ZBTB46: variants seen among roughly 807,000 people sequenced by gnomAD.
ZBTB46 encodes the protein zinc finger and BTB domain containing 46.
In ZBTB46, 8 loss-of-function variants were observed where a neutral mutation model predicts 44.1. That is an observed-to-expected ratio of 0.18 (90% confidence interval 0.11 to 0.33). ZBTB46 has a LOEUF of 0.33. Ranked by LOEUF, ZBTB46 falls within the 10% of genes least tolerant of loss-of-function variation. The probability of loss-of-function intolerance (pLI) is 1.00; values close to 1 mark genes in which losing one functional copy is unlikely to be tolerated. For synonymous variants in ZBTB46, 409 were observed against 382.3 expected (o/e 1.07, Z -0.81); for missense variants, 651 against 847.7 (o/e 0.77, Z 2.88).
In ZBTB46 at chr20:63,761,243, C is replaced by G. The variant is rs1242994085; in HGVS notation, c.1223-8382G>C. Among the ~76,000 whole-genome samples, 13 of 150,466 alleles carry G rather than the reference C, an allele frequency of 8.6e-5. No individual in the cohort carries two copies. In the East Asian group the frequency reaches 2.4e-3, roughly 28 times the overall value. On this transcript the variant is annotated intron_variant, in intron 3 of 4. Transcript: ENST00000245663. ...CGAACTCCTGACCTCAAGTGATTGA[C>G]GCACTTCAGCCTCCCAAAGTGCTGG...
intron 1 of ZBTB46, among the ~76,000 whole-genome samples, chr20:63,798,177 CG>C (rs975813814): frequency 2.9e-4 from 44 of 152,156 alleles, no homozygotes; most frequent in African/African-American, 1.1e-3. Flanking sequence ...TTTTGTATAA[CG>C]TGTAAGGAAG....
intron 3 of ZBTB46, among the ~76,000 whole-genome samples, chr20:63,753,486 G>A (rs1181485319): frequency 6.6e-6 from 1 of 152,206 alleles, no homozygotes; most frequent in Non-Finnish European, 1.5e-5. Flanking sequence ...CATGGTGCGT[G>A]CCCTGGGGCC....
At chr20:63,786,997 G>C (rs1415684454) in intron 2 of ZBTB46, among the ~76,000 whole-genome samples, 1 of 152,126 alleles carries the variant, frequency 6.6e-6, no homozygotes, top group Non-Finnish European at 1.5e-5. Context: ...GCTCAGTGCA[G>C]GACGCACAGC....
chr20:63,755,752 T>G (rs1355565336), intron 3 of ZBTB46, among the ~76,000 whole-genome samples: 2 of 152,192 alleles, frequency 1.3e-5, no homozygotes, highest in Non-Finnish European at 2.9e-5. Flanking sequence ...AGTCTATATA[T>G]CTTAGAAAAA....
intron 1 of ZBTB46, among the ~76,000 whole-genome samples, chr20:63,800,896 G>A (rs986518674): frequency 2.6e-5 from 4 of 152,220 alleles, no homozygotes; most frequent in African/African-American, 9.6e-5. Flanking sequence ...CCCATCAACT[G>A]CCCAAGGGCT....
chr20:63,781,857 G>A (rs1265660442), intron 2 of ZBTB46, among the ~76,000 whole-genome samples: 3 of 151,750 alleles, frequency 2.0e-5, no homozygotes, highest in Non-Finnish European at 4.4e-5. Flanking sequence ...AGGCTGAGGT[G>A]GGCAGATCAC....
chr20:63,817,962 TCTA>T (rs2092769553), intron 1 of ZBTB46, among the ~76,000 whole-genome samples: 2 of 152,084 alleles, frequency 1.3e-5, no homozygotes, highest in African/African-American at 4.8e-5. Flanking sequence ...AGAATAAGGC[TCTA>T]CCGTTTTCAG....
chr20:63,832,638 C>T (rs760704791), upstream of ZBTB46, among the ~76,000 whole-genome samples: 2 of 152,192 alleles, frequency 1.3e-5, no homozygotes, highest in Non-Finnish European at 2.9e-5. This position sits in a 1 kb window ranked among gnomAD's most constrained non-coding sequence, Gnocchi z 5.0. Flanking sequence ...CTGGAAATGG[C>T]TGTGCGGACA....
chr20:63,796,442 T>A (rs575679077), intron 1 of ZBTB46, among the ~76,000 whole-genome samples: 14 of 152,356 alleles, frequency 9.2e-5, no homozygotes, highest in Admixed American at 6.5e-4. Flanking sequence ...CAACTCACAC[T>A]GTTTTACCAC....
chr20:63,767,131 G>A lies in ZBTB46; in HGVS notation c.1222+8547C>T, dbSNP rs1012341121. The stretch of plus-strand genomic sequence containing the variant: ...CAGCACATTCCCGTAATTCCACGCC[G>A]ACACGTGGAGCGCCGCGCACATGCC... On this transcript the variant is annotated intron_variant, in intron 3 of 4. Coordinates refer to ENST00000245663, the MANE Select transcript of ZBTB46 (RefSeq NM_001369741.1). This position sits in a 1 kb window ranked among gnomAD's most constrained non-coding sequence, Gnocchi z 5.0. 2.0e-5 allele frequency among the ~76,000 whole-genome samples: 3 copies of A among 152,218 alleles called. No individual in the cohort carries two copies. The highest frequency in any genetic ancestry group is 2.9e-5 in the Non-Finnish European group (2 of 68,032).
upstream of ZBTB46, among the ~76,000 whole-genome samples, chr20:63,833,242 C>G (rs934271929): frequency 6.6e-6 from 1 of 152,160 alleles, no homozygotes; most frequent in Admixed American, 6.5e-5. Context: ...AAACCTTGAT[C>G]TCACCACGAC....
chr20:63,748,794 G>A (rs1204964795), intron 4 of ZBTB46, among the ~76,000 whole-genome samples: 1 of 152,220 alleles, frequency 6.6e-6, no homozygotes, highest in Non-Finnish European at 1.5e-5. Context: ...GCTGGGATGT[G>A]CTTGTGAGTT....
At chr20:63,799,223 A>G (rs1269937149) in intron 1 of ZBTB46, among the ~76,000 whole-genome samples, 2 of 151,460 alleles carry the variant, frequency 1.3e-5, no homozygotes, top group Non-Finnish European at 2.9e-5. Context: ...AATTTCTTAC[A>G]GAGACAGGGT....
chr20:63,774,765 G>C (rs1442619203), intron 3 of ZBTB46, among the ~76,000 whole-genome samples: 1 of 78,830 alleles, frequency 1.3e-5, no homozygotes, highest in African/African-American at 4.3e-5. Context: ...GTGCAGTGGC[G>C]CGATCTCGGC....
Position 63,818,092 on chromosome 20 carries a change from A to G in ZBTB46, c.-34+13005T>C, listed in dbSNP as rs867751517. Among the ~76,000 whole-genome samples, 23 of 152,350 alleles carry G rather than the reference A, an allele frequency of 1.5e-4. No individual in the cohort carries two copies. The South Asian group carries it at 1.9e-3, about 12-fold the overall frequency. ...GTGGTGGCACTGGGGGTCTTCACCC[A>G]GGACTCACATGGTCCCATCCGCCAG... On this transcript the variant is annotated intron_variant, in intron 1 of 4. Coordinates refer to ENST00000245663, the MANE Select transcript of ZBTB46 (RefSeq NM_001369741.1).
chr20:63,832,395 A>G (rs1030554438), upstream of ZBTB46, among the ~76,000 whole-genome samples: 1 of 151,968 alleles, frequency 6.6e-6, no homozygotes, highest in African/African-American at 2.4e-5. This position sits in a 1 kb window ranked among gnomAD's most constrained non-coding sequence, Gnocchi z 5.0. Context: ...CGGCCAACCA[A>G]TGGGGAGGCG....
At position 63,746,897 on chromosome 20, in the gene ZBTB46, C is replaced by T. The variant is rs773855931; in HGVS notation, c.*33G>A. The stretch of plus-strand genomic sequence containing the variant: ...CGGACACACACACGGGTGGACGGAG[C>T]GAGGCAGCCACCGACCCTGCCGGCG... On this transcript the variant is annotated 3_prime_UTR_variant, in exon 5 of 5. Coordinates refer to ENST00000245663, the MANE Select transcript of ZBTB46 (RefSeq NM_001369741.1). 2.3e-5 allele frequency: 34 copies of T among 1,489,552 alleles called. No homozygotes were observed. Among genetic ancestry groups the T allele is most frequent in the East Asian group, 4.8e-5 (2 of 41,622 alleles). 92.3% of individuals were successfully genotyped at this position (1,489,552 alleles called of 1,614,324 possible).
chr20:63,790,233 C>A lies in ZBTB46; in HGVS notation c.525G>T (p.Thr175=), dbSNP rs201325875. The A allele has an allele frequency of 6.2e-7, 1 of 1,610,862 alleles. No homozygotes were observed. Among genetic ancestry groups the A allele is most frequent in the Non-Finnish European group, 8.5e-7 (1 of 1,178,884 alleles). The change falls in exon 2 of 5, where the codon ACG becomes ACT. Residue 175 remains threonine (T), a synonymous_variant. Transcript: ENST00000245663. ...AGTCTCCGGAAGAATTGGCAGGACT[C>A]GTTCGCCGTGCCAGCCACGGGGAGA... ...RSISPWLARR[T]SPANSSGDSA...
chr20:63,769,385 T>G (rs1030545605), intron 3 of ZBTB46: 59 of 985,276 alleles, frequency 6.0e-5, no homozygotes, highest in Middle Eastern at 5.2e-4. Context: ...ACCCAGGCCC[T>G]GGGAACACAG....
Sources: gnomAD v4.1 joint callset for allele counts (sites outside exome capture counted in the v4.1 genomes callset) on GRCh38, gnomAD v4.1.1 for gene constraint, Gnocchi (gnomAD v3.1) non-coding constraint, MANE v1.5 for transcripts, NCBI Gene and HGNC (gene_info 2026-07-23, HGNC 2026-07-21) for gene names.